Variants in ADAP2 observed in about 807,000 individuals in gnomAD.
ADAP2 encodes arf-GAP with dual PH domain-containing protein 2.
ADAP2 carries 42 observed loss-of-function variants against 54.9 expected under a neutral mutation model. The ratio of observed to expected loss-of-function variants is 0.77; its 90% confidence interval spans 0.60 to 0.99. The LOEUF (loss-of-function observed/expected upper bound fraction) is 0.99, where lower values mean the gene tolerates loss of function less well. ADAP2 is among the 50% of genes least tolerant of loss of function. The pLI, the probability that ADAP2 is intolerant of heterozygous loss-of-function variation, is 0.00. For synonymous variants in ADAP2, 177 were observed against 180.1 expected (o/e 0.98, Z 0.14); for missense variants, 429 against 480.4 (o/e 0.89, Z 1.00).
In ADAP2 at chr17:30,922,983, C is replaced by G. The variant is rs1403181709; in HGVS notation, c.138C>G (p.Leu46=). The change falls in exon 2 of 11, where the codon CTC becomes CTG. Residue 46 remains leucine, a synonymous_variant. Transcript: ENST00000330889. ...ACAAGCTGGGGATCTTCATCTGTCT[C>G]AACTGCTGCGGCGTCCACCGTAACT... ...ASYKLGIFIC[L]NCCGVHRNFP... The G allele has an allele frequency of 1.2e-6, 2 of 1,614,030 alleles. No homozygotes were observed. The highest frequency in any genetic ancestry group is 2.7e-5 in the African/African-American group (2 of 75,020).
At chr17:30,927,614 CAAA>C (rs540091821) in intron 3 of ADAP2, among the ~76,000 whole-genome samples, 2 of 112,690 alleles carry the variant, frequency 1.8e-5, no homozygotes, top group Non-Finnish European at 2.0e-5. Flanking sequence ...GACTCCGGCT[CAAA>C]AAAAAAAAAA....
rs1905224241 is a variant in ADAP2 at position 30,958,454 on chromosome 17, T to G, written c.*585T>G. The G allele has an allele frequency of 6.6e-6, 1 of 152,634 alleles. No homozygotes were observed. The highest frequency in any genetic ancestry group is 1.5e-5 in the Non-Finnish European group (1 of 68,414). The allele number at this position is 152,634 out of a possible 1,614,324, so 9.5% of individuals were successfully genotyped here. ...TGAATGAAATCTCAGATGGCTGAAA[T>G]GTTAGAGAAACAGAGCACCAAGTCC... On this transcript the variant is annotated 3_prime_UTR_variant, in exon 11 of 11. Coordinates refer to ENST00000330889, the MANE Select transcript of ADAP2 (RefSeq NM_018404.3).
chr17:30,934,404 C>T, intron 5 of ADAP2, 107 bp downstream of exon 5: 1 of 743,684 alleles, frequency 1.3e-6, no homozygotes, highest in Non-Finnish European at 2.2e-6. Context: ...ATCTCAGCCC[C>T]TGAGAGTTAG....
Position 30,934,241 on chromosome 17 carries a change from A to C in ADAP2, c.454A>C (p.Arg152=), listed in dbSNP as rs1302924982. ...RGRDNSQFLR[R]KFVLLAREGL... ...AAGGGACAACTCACAGTTTCTGAGAAGGAAGTTTGTACTTCTGGCAAGAGA... is the reference window on the plus strand; with the variant it reads ...AAGGGACAACTCACAGTTTCTGAGACGGAAGTTTGTACTTCTGGCAAGAGA... The change falls in exon 5 of 11, where the codon AGG becomes CGG. Residue 152 remains arginine, a synonymous_variant. Transcript: ENST00000330889. The C allele has an allele frequency of 1.2e-6, 2 of 1,614,076 alleles. No individual in the cohort carries two copies. The highest frequency in any genetic ancestry group is 1.7e-6 in the Non-Finnish European group (2 of 1,180,034).
intron 5 of ADAP2, among the ~76,000 whole-genome samples, chr17:30,944,071 A>G (rs1227257298): frequency 6.6e-6 from 1 of 151,906 alleles, no homozygotes; most frequent in African/African-American, 2.4e-5. Context: ...ACACGTCTGT[A>G]ATCCCAGCTA....
chr17:30,948,063 C>T (rs1228448805), intron 6 of ADAP2, among the ~76,000 whole-genome samples: 2 of 152,022 alleles, frequency 1.3e-5, no homozygotes, highest in Admixed American at 6.6e-5. Flanking sequence ...AACTAACCTG[C>T]GGGATAAGTG....
At chr17:30,932,285 T>A (rs1262706144) in intron 4 of ADAP2, among the ~76,000 whole-genome samples, 5 of 148,254 alleles carry the variant, frequency 3.4e-5, no homozygotes, top group African/African-American at 1.3e-4. Flanking sequence ...CAGCCTGGAG[T>A]GCAGTGGCAC....
chr17:30,933,388 A>T (rs1295806025), intron 4 of ADAP2, among the ~76,000 whole-genome samples: 1 of 151,944 alleles, frequency 6.6e-6, no homozygotes, highest in Non-Finnish European at 1.5e-5. Context: ...GGGTTTTGCC[A>T]TGTTGGCCAG....
At chr17:30,939,968 A>G (rs2142545936) in intron 5 of ADAP2, among the ~76,000 whole-genome samples, 1 of 152,070 alleles carries the variant, frequency 6.6e-6, no homozygotes, top group African/African-American at 2.4e-5. Flanking sequence ...TTGTTTTTTT[A>G]TGCTGTTTTC....
intron 5 of ADAP2, among the ~76,000 whole-genome samples, chr17:30,941,909 CTATT>C (rs1310125157): frequency 1.3e-5 from 2 of 151,526 alleles, no homozygotes; most frequent in East Asian, 3.9e-4. Flanking sequence ...AAAAATCAAA[CTATT>C]TTTTTTTTTT....
intron 9 of ADAP2, 85 bp downstream of exon 9, chr17:30,954,640 T>C (rs1025171994): frequency 1.5e-5 from 17 of 1,146,414 alleles, no homozygotes; most frequent in Non-Finnish European, 2.2e-5. Context: ...AAGCTACAGA[T>C]AAACACATCT....
intron 1 of ADAP2, among the ~76,000 whole-genome samples, 196 bp from the exon 2 acceptor site, chr17:30,922,744 G>A (rs970748046): frequency 1.2e-4 from 19 of 152,214 alleles, no homozygotes; most frequent in African/African-American, 4.1e-4. Flanking sequence ...CTCTCCCCGG[G>A]CCCTGAACTG....
intron 5 of ADAP2, among the ~76,000 whole-genome samples, chr17:30,939,455 A>C (rs1204385557): frequency 6.6e-6 from 1 of 150,446 alleles, no homozygotes; most frequent in Non-Finnish European, 1.5e-5. Context: ...AAAAAGCCCC[A>C]AGCTCTATAC....
chr17:30,937,841 G>A (rs1911999939), intron 5 of ADAP2, among the ~76,000 whole-genome samples: 1 of 152,188 alleles, frequency 6.6e-6, no homozygotes, highest in Non-Finnish European at 1.5e-5. Flanking sequence ...AGACCCCTAA[G>A]GGGATGCTCA....
chr17:30,925,527 CTCTTCTTCTTCTTCCTTCTTCCTTCT>C (rs1025349256), intron 2 of ADAP2, among the ~76,000 whole-genome samples: 1 of 150,622 alleles, frequency 6.6e-6, no homozygotes, highest in African/African-American at 2.4e-5. Context: ...CCTCCTCCTC[CTCTTCTTCTTCTTCCTTCTTCCTTCT>C]TCTTCTTCTT....
At chr17:30,939,875 TGATGACACCAGCCATTTA>T (rs1383065588) in intron 5 of ADAP2, among the ~76,000 whole-genome samples, 21 of 152,116 alleles carry the variant, frequency 1.4e-4, no homozygotes, top group African/African-American at 4.8e-4. Context: ...CTTTTATAAG[TGATGACACCAGCCATTTA>T]GTCCATCCCC....
chr17:30,923,423 C>T (rs1326361120), intron 2 of ADAP2, among the ~76,000 whole-genome samples: 3 of 151,876 alleles, frequency 2.0e-5, no homozygotes, highest in African/African-American at 7.3e-5. Flanking sequence ...TGCCACCACA[C>T]CCGGCTAATT....
intron 3 of ADAP2, among the ~76,000 whole-genome samples, chr17:30,931,458 G>A (rs1323936616): frequency 6.6e-6 from 1 of 152,160 alleles, no homozygotes; most frequent in Non-Finnish European, 1.5e-5. Flanking sequence ...CAGTACTGAG[G>A]CTGAGGAATC....
rs755928398 is a variant in ADAP2, at chr17:30,929,589, G to A, written c.318-2300G>A. Among the ~76,000 whole-genome samples, 136 of 152,196 alleles carry A rather than the reference G, an allele frequency of 8.9e-4. 1 individual carries two copies. The highest frequency in any genetic ancestry group is 5.2e-3 in the Admixed American group (79 of 15,276). On this transcript the variant is annotated intron_variant, in intron 3 of 10. Transcript: ENST00000330889. ...CCCTTGGTCTCCATTCCTTCTCCCT[G>A]CTCTGATCTTGTGTCCCAGGGTTTC...
Sources: gnomAD v4.1 joint callset for allele counts (sites outside exome capture counted in the v4.1 genomes callset) on GRCh38, gnomAD v4.1.1 for gene constraint, MANE v1.5 for transcripts, NCBI Gene and HGNC (gene_info 2026-07-23, HGNC 2026-07-21) for gene names.